Variants in CPM observed in about 807,000 individuals in gnomAD.
The protein encoded by CPM is renal carboxypeptidase.
A neutral mutation model predicts 46.4 loss-of-function variants in CPM; 35 were observed. The ratio of observed to expected loss-of-function variants is 0.75; its 90% CI spans 0.58 to 1.00. CPM has a LOEUF of 1.00. Ranked by LOEUF, CPM falls within the 50% of genes least tolerant of loss-of-function variation. CPM has a pLI of 0.00. For missense variants in CPM, 422 were observed against 530.4 expected (o/e 0.80, Z 2.01); for synonymous variants, 195 against 195.3 (o/e 1.00, Z 0.01).
chr12:68,899,814 A>G (rs1399095931), intron 2 of CPM, among the ~76,000 whole-genome samples: 2 of 152,174 alleles, frequency 1.3e-5, no homozygotes, highest in Non-Finnish European at 2.9e-5. Context: ...TTTAATAATG[A>G]TGTGTCATGA....
chr12:68,961,001 A>G (rs865790213), intron 1 of CPM, among the ~76,000 whole-genome samples: 95 of 152,350 alleles, frequency 6.2e-4, no homozygotes, highest in African/African-American at 2.2e-3. Context: ...GGGGACTGTC[A>G]TCCCCAGTAA....
intron 2 of CPM, among the ~76,000 whole-genome samples, chr12:68,930,790 A>G (rs1888468389): frequency 6.6e-6 from 1 of 152,238 alleles, no homozygotes; most frequent in South Asian, 2.1e-4. Context: ...CTGCTGATTC[A>G]TATTAGGAAA....
chr12:68,878,593 C>T (rs1173736662), intron 3 of CPM, among the ~76,000 whole-genome samples: 1 of 152,184 alleles, frequency 6.6e-6, no homozygotes, highest in South Asian at 2.1e-4. Flanking sequence ...TCCCCACTGT[C>T]TCTCCCCCAA....
intron 1 of CPM, among the ~76,000 whole-genome samples, chr12:68,939,108 T>A (rs1888720076): frequency 6.8e-6 from 1 of 146,024 alleles, no homozygotes; most frequent in African/African-American, 2.5e-5. Context: ...ATATATACAT[T>A]TACTACATAC....
intron 2 of CPM, among the ~76,000 whole-genome samples, chr12:68,889,808 T>TTGTGTCAGCAGCG (rs1188878546): frequency 3.3e-5 from 5 of 152,290 alleles, no homozygotes; most frequent in African/African-American, 1.2e-4. Context: ...GCAAGTCCAC[T>TTGTGTCAGCAGCG]TGTGTCAGCA....
intron 2 of CPM, among the ~76,000 whole-genome samples, chr12:68,923,157 T>C (rs1253988672): frequency 1.7e-5 from 1 of 59,552 alleles, no homozygotes; most frequent in Non-Finnish European, 3.4e-5. Context: ...GTATTTGATA[T>C]AGAGTGTGTG....
chr12:68,908,782 C>T (rs1326372680), intron 2 of CPM, among the ~76,000 whole-genome samples: 1 of 151,868 alleles, frequency 6.6e-6, no homozygotes, highest in African/African-American at 2.4e-5. Context: ...AATACGATCT[C>T]ATAAAAATTA....
chr12:68,883,135 G>A (rs1025833699), intron 3 of CPM, among the ~76,000 whole-genome samples: 1 of 152,142 alleles, frequency 6.6e-6, no homozygotes, highest in African/African-American at 2.4e-5. Context: ...TCCACCTAAG[G>A]TCCATAAACT....
At chr12:68,934,964 G>A (rs1888645638), upstream of CPM, among the ~76,000 whole-genome samples, 1 of 151,996 alleles carries the variant, frequency 6.6e-6, no homozygotes, top group Non-Finnish European at 1.5e-5. Flanking sequence ...CCAGTCTGGA[G>A]TGCAATGGCA....
chr12:68,925,359 T>C (rs1888216381), intron 2 of CPM, among the ~76,000 whole-genome samples: 1 of 152,194 alleles, frequency 6.6e-6, no homozygotes, highest in South Asian at 2.1e-4. Flanking sequence ...TAAAGACCCA[T>C]GGTCACGTAG....
intron 5 of CPM, chr12:68,844,543 C>T (rs974650691): frequency 1.3e-5 from 3 of 227,082 alleles, no homozygotes; most frequent in Non-Finnish European, 2.6e-5. Flanking sequence ...CACTTGTCAG[C>T]GTGAAAAGTA....
At chr12:68,903,827 GCCGTCCGTCCCT>G (rs1377935141) in intron 2 of CPM, among the ~76,000 whole-genome samples, 3 of 151,538 alleles carry the variant, frequency 2.0e-5, no homozygotes, top group African/African-American at 7.3e-5. Context: ...TGTCCGTCCC[GCCGTCCGTCCCT>G]CCGTCCCTCC....
At position 68,908,396 on chromosome 12, in the gene CPM, C is replaced by CT. The variant is rs552096776; in HGVS notation, c.161-22508dup. Among the ~76,000 whole-genome samples the CT allele has an allele frequency of 7.5e-3, 1,063 of 140,830 alleles. 9 individuals carry two copies. The highest frequency in any genetic ancestry group is 0.021 in the African/African-American group (794 of 38,566). The allele number at this position is 140,830 out of a possible 152,430, so 92.4% of individuals were successfully genotyped here. ...CCTGAATCTACTCCACAGGACACAGCTTTTTTTTTTTTTTTCTCATCACTT... is the reference window on the plus strand; with the variant it reads ...CCTGAATCTACTCCACAGGACACAGCTTTTTTTTTTTTTTTTCTCATCACTT... On this transcript the variant is annotated intron_variant, in intron 2 of 8. Transcript: ENST00000551568.
At chr12:68,864,289 C>A (rs1885336657) in intron 7 of CPM, among the ~76,000 whole-genome samples, 1 of 152,014 alleles carries the variant, frequency 6.6e-6, no homozygotes, top group African/African-American at 2.4e-5. Flanking sequence ...TACAAAAATA[C>A]AAAATTAGCC....
chr12:68,912,504 A>T (rs1887639243), intron 2 of CPM, among the ~76,000 whole-genome samples: 1 of 152,194 alleles, frequency 6.6e-6, no homozygotes, highest in Admixed American at 6.5e-5. Context: ...ATCTAAAATG[A>T]CTGCCAGATG....
intron 7 of CPM, 52 bp downstream of exon 7, chr12:68,866,844 C>A: frequency 6.6e-7 from 1 of 1,512,488 alleles, no homozygotes; most frequent in Non-Finnish European, 9.1e-7. Context: ...AGAGGTCTTG[C>A]CAGATGCTCT....
chr12:68,864,022 T>TATACCATGGTTTC (rs1290425691), intron 7 of CPM, among the ~76,000 whole-genome samples: 7 of 152,222 alleles, frequency 4.6e-5, no homozygotes, highest in Non-Finnish European at 1.0e-4. Flanking sequence ...ATGGTTTCAT[T>TATACCATGGTTTC]ATTAAACCAT....
intron 5 of CPM, chr12:68,844,649 GAAA>G (rs1359808074): frequency 4.4e-6 from 1 of 225,162 alleles, no homozygotes; most frequent in African/African-American, 2.3e-5. Context: ...AAGTACATCA[GAAA>G]AAAACAAAAA....
chr12:68,868,024 G>A (rs1351879106), intron 6 of CPM, among the ~76,000 whole-genome samples: 9 of 152,150 alleles, frequency 5.9e-5, no homozygotes. Flanking sequence ...TTTTTTGTCT[G>A]AGAAGGATAC....
Sources: gnomAD v4.1 joint callset for allele counts (sites outside exome capture counted in the v4.1 genomes callset) on GRCh38, gnomAD v4.1.1 for gene constraint, MANE v1.5 for transcripts, NCBI Gene and HGNC (gene_info 2026-07-23, HGNC 2026-07-21) for gene names.